The following PCED1B variants were observed in gnomAD, a reference collection of about 807,000 sequenced individuals.
PCED1B encodes PC-esterase domain-containing protein 1B.
For missense variants in PCED1B, 573 were observed against 573.9 expected (o/e 1.00, Z 0.02); for synonymous variants, 251 against 246.1 (o/e 1.02, Z -0.19).
Position 47,126,112 on chromosome 12 carries a change from C to T in PCED1B, c.-526+21917C>T, listed in dbSNP as rs78458648. Among the ~76,000 whole-genome samples the T allele has an allele frequency of 5.1e-3, 777 of 151,980 alleles. 5 individuals carry two copies. The highest frequency in any genetic ancestry group is 0.017 in the African/African-American group (701 of 41,484). Reference sequence around the variant, plus strand: ...CAAAGAAAACATTCAGTCTGCCTTTCGTCATTAGGTATGATGATAACTGTA... The same window carrying T: ...CAAAGAAAACATTCAGTCTGCCTTTTGTCATTAGGTATGATGATAACTGTA... On this transcript the variant is annotated intron_variant, in intron 2 of 3. Transcript: ENST00000546455.
intron 2 of PCED1B, among the ~76,000 whole-genome samples, chr12:47,140,453 A>G (rs1321926187): frequency 2.0e-5 from 3 of 152,214 alleles, no homozygotes; most frequent in Admixed American, 2.0e-4. Context: ...CAAGAAATAC[A>G]TATATCAAAG....
chr12:47,169,743 G>A (rs1307184382), intron 2 of PCED1B, among the ~76,000 whole-genome samples: 1 of 151,632 alleles, frequency 6.6e-6, no homozygotes, highest in Non-Finnish European at 1.5e-5. Context: ...TAATCCTAGT[G>A]TTTTGGGAGG....
intron 3 of PCED1B, among the ~76,000 whole-genome samples, chr12:47,231,627 G>A (rs142226550): frequency 6.6e-6 from 1 of 152,118 alleles, no homozygotes; most frequent in Admixed American, 6.5e-5. Context: ...AAAAATATCT[G>A]TATCAGAGAG....
chr12:47,117,737 G>A (rs1457479192), intron 2 of PCED1B, among the ~76,000 whole-genome samples: 1 of 152,150 alleles, frequency 6.6e-6, no homozygotes, highest in East Asian at 1.9e-4. Flanking sequence ...TGGGTCAAAT[G>A]GCATTTCTAG....
At chr12:47,201,625 G>T (rs1034061101) in intron 2 of PCED1B, among the ~76,000 whole-genome samples, 1 of 151,092 alleles carries the variant, frequency 6.6e-6, no homozygotes, top group Non-Finnish European at 1.5e-5. Flanking sequence ...TTAAGACAAG[G>T]TCTCACTGTA....
In PCED1B at chr12:47,175,560, G is replaced by A. The variant is rs150551332; in HGVS notation, c.-525-40662G>A. On this transcript the variant is annotated intron_variant, in intron 2 of 3. Coordinates refer to ENST00000546455, the MANE Select transcript of PCED1B (RefSeq NM_138371.3). ...TTGGTTTACTTCTTTCAGTATGTAT[G>A]TATGTATGTATGTATGTATGTATTT... Among the ~76,000 whole-genome samples the A allele has an allele frequency of 9.7e-4, 147 of 152,046 alleles. 2 individuals are homozygous for A. Among genetic ancestry groups the A allele is most frequent in the Non-Finnish European group, 9.7e-4 (66 of 67,964 alleles).
intron 1 of PCED1B, among the ~76,000 whole-genome samples, chr12:47,092,563 G>A (rs1938311635): frequency 2.6e-5 from 4 of 152,002 alleles, no homozygotes; most frequent in Non-Finnish European, 5.9e-5. Flanking sequence ...ATGTTAGACT[G>A]AAATGATGAC....
At chr12:47,228,577 A>T (rs906644761) in intron 3 of PCED1B, among the ~76,000 whole-genome samples, 1 of 152,130 alleles carries the variant, frequency 6.6e-6, no homozygotes, top group African/African-American at 2.4e-5. Flanking sequence ...AATAAGAGTT[A>T]CCTCATAAAG....
chr12:47,143,393 A>G (rs965623719), intron 2 of PCED1B, among the ~76,000 whole-genome samples: 14 of 152,094 alleles, frequency 9.2e-5, no homozygotes. Context: ...TTAACATACA[A>G]AACTCAGCTG....
chr12:47,186,324 G>C (rs1023616391), intron 2 of PCED1B, among the ~76,000 whole-genome samples: 1 of 152,182 alleles, frequency 6.6e-6, no homozygotes, highest in Non-Finnish European at 1.5e-5. Flanking sequence ...GAGCTTCTAG[G>C]GGCAGCAAAT....
At chr12:47,230,331 G>C (rs927549411) in intron 3 of PCED1B, among the ~76,000 whole-genome samples, 1 of 152,156 alleles carries the variant, frequency 6.6e-6, no homozygotes, top group Admixed American at 6.5e-5. Context: ...TGATCCTCCT[G>C]CCTTGGCCTC....
chr12:47,130,560 A>C (rs1940084097), intron 2 of PCED1B, among the ~76,000 whole-genome samples: 1 of 152,144 alleles, frequency 6.6e-6, no homozygotes. Context: ...GTGTTGGTGC[A>C]CATCTGTAGT....
At chr12:47,164,828 G>T (rs1049462424) in intron 2 of PCED1B, among the ~76,000 whole-genome samples, 2 of 152,194 alleles carry the variant, frequency 1.3e-5, no homozygotes, top group Non-Finnish European at 2.9e-5. Context: ...CTTATGGCTT[G>T]TATCCTTTGA....
intron 2 of PCED1B, among the ~76,000 whole-genome samples, chr12:47,153,632 T>C (rs976129997): frequency 6.6e-6 from 1 of 152,128 alleles, no homozygotes; most frequent in African/African-American, 2.4e-5. Flanking sequence ...AACTAAACTT[T>C]GAACCTATTA....
At chr12:47,137,455 G>A (rs1027847424) in intron 2 of PCED1B, among the ~76,000 whole-genome samples, 2 of 152,058 alleles carry the variant, frequency 1.3e-5, no homozygotes, top group East Asian at 1.9e-4. Flanking sequence ...TCTTGTATAC[G>A]TTTTTCTAAG....
chr12:47,107,007 C>T (rs1938983378), intron 2 of PCED1B, among the ~76,000 whole-genome samples: 1 of 152,108 alleles, frequency 6.6e-6, no homozygotes, highest in African/African-American at 2.4e-5. Flanking sequence ...CAGATCGTCC[C>T]CTACCCCCAT....
intron 2 of PCED1B, among the ~76,000 whole-genome samples, chr12:47,190,211 G>A (rs1407863506): frequency 1.3e-5 from 2 of 152,194 alleles, no homozygotes; most frequent in Non-Finnish European, 2.9e-5. Flanking sequence ...ATACAATTCA[G>A]TTGTCTCTCA....
intron 2 of PCED1B, among the ~76,000 whole-genome samples, chr12:47,133,366 G>T (rs760375725): frequency 3.9e-5 from 6 of 152,160 alleles, no homozygotes; most frequent in Admixed American, 6.5e-5. Flanking sequence ...GGCATCCCTT[G>T]TCCAGGGCCC....
chr12:47,153,777 A>G (rs768027470), intron 2 of PCED1B, among the ~76,000 whole-genome samples: 114 of 152,344 alleles, frequency 7.5e-4, no homozygotes, highest in Non-Finnish European at 1.1e-3. Flanking sequence ...ATGTCTCTGA[A>G]CAAAGAATAA....
Sources: gnomAD v4.1 joint callset for allele counts (sites outside exome capture counted in the v4.1 genomes callset) on GRCh38, gnomAD v4.1.1 for gene constraint, MANE v1.5 for transcripts, NCBI Gene and HGNC (gene_info 2026-07-23, HGNC 2026-07-21) for gene names.